TENM3: variants seen among roughly 807,000 people sequenced by gnomAD.
TENM3 encodes the protein teneurin-3.
Under a neutral mutation model 255.1 loss-of-function variants are expected in TENM3, and 63 were observed. The observed-to-expected ratio is 0.25, with a 90% CI of 0.20 to 0.30. The LOEUF (loss-of-function observed/expected upper bound fraction) is 0.30. Ranked by LOEUF, TENM3 falls within the 10% of genes least tolerant of loss-of-function variation. The pLI is 1.00. For missense variants in TENM3, 2,929 were observed against 3,461.1 expected (o/e 0.85, Z 3.86); for synonymous variants, 1,306 against 1,322.3 (o/e 0.99, Z 0.27).
the TENM3 span, among the ~76,000 whole-genome samples, chr4:181,892,131 G>A: frequency 1.3e-5 from 2 of 152,140 alleles, no homozygotes; most frequent in Non-Finnish European, 2.9e-5. Flanking sequence ...AAATTACATA[G>A]TTTGTGGGAT....
the TENM3 span, among the ~76,000 whole-genome samples, chr4:181,455,204 C>A: frequency 0.42 from 63,380 of 151,858 alleles, 13,935 homozygotes; most frequent in Non-Finnish European, 0.49. Context: ...TATAGCAAAC[C>A]AATGCAAGAG....
At chr4:181,748,529 C>A in the TENM3 span, among the ~76,000 whole-genome samples, 1 of 152,018 alleles carries the variant, frequency 6.6e-6, no homozygotes, top group African/African-American at 2.4e-5. Context: ...TTACTAATTC[C>A]TAACACAAAA....
chr4:182,488,225 G>C (rs1053980284), intron 3 of TENM3, among the ~76,000 whole-genome samples: 3 of 152,134 alleles, frequency 2.0e-5, no homozygotes, highest in Non-Finnish European at 4.4e-5. Flanking sequence ...ACCAGAATCA[G>C]AGAGGCAGGA....
intron 3 of TENM3, among the ~76,000 whole-genome samples, chr4:182,543,508 AG>A (rs1272930271): frequency 3.3e-5 from 5 of 152,202 alleles, no homozygotes; most frequent in African/African-American, 1.2e-4. Context: ...GGCGAGCACA[AG>A]GAGACCAGCA....
At chr4:182,417,897 T>C (rs2151117745) in intron 3 of TENM3, among the ~76,000 whole-genome samples, 1 of 152,334 alleles carries the variant, frequency 6.6e-6, no homozygotes, top group South Asian at 2.1e-4. Context: ...AAATGTTTGA[T>C]ATCTGTACAT....
At chr4:182,531,868 C>G (rs1248272000) in intron 3 of TENM3, among the ~76,000 whole-genome samples, 1 of 152,316 alleles carries the variant, frequency 6.6e-6, no homozygotes, top group African/African-American at 2.4e-5. Flanking sequence ...TGTGCATAAA[C>G]AGTTTAAACA....
At chr4:181,893,491 A>ACCC in the TENM3 span, among the ~76,000 whole-genome samples, 2,917 of 24,258 alleles carry the variant, frequency 0.12, 72 homozygotes, top group East Asian at 0.19. Context: ...TCCCCTGCCC[A>ACCC]CCCCCCCCCC....
At chr4:182,614,922 T>A (rs1318783804) in intron 4 of TENM3, among the ~76,000 whole-genome samples, 1 of 151,360 alleles carries the variant, frequency 6.6e-6, no homozygotes, top group Non-Finnish European at 1.5e-5. Flanking sequence ...TTTTTGAGAG[T>A]ATGGCAGGGC....
chr4:181,880,787 A>G, the TENM3 span, among the ~76,000 whole-genome samples: 1 of 152,180 alleles, frequency 6.6e-6, no homozygotes, highest in African/African-American at 2.4e-5. Flanking sequence ...AAGGAATTCC[A>G]GTTCACCTGG....
At chr4:181,715,335 G>A in the TENM3 span, among the ~76,000 whole-genome samples, 2 of 152,146 alleles carry the variant, frequency 1.3e-5, no homozygotes, top group Non-Finnish European at 2.9e-5. Context: ...ACATAGTACT[G>A]CAGTGAATAG....
At chr4:181,986,958 T>C in the TENM3 span, among the ~76,000 whole-genome samples, 1 of 152,082 alleles carries the variant, frequency 6.6e-6, no homozygotes, top group African/African-American at 2.4e-5. Flanking sequence ...AATGGGTGTG[T>C]TTTATTTTCT....
In TENM3 at chr4:182,187,133, G is replaced by A. The variant is rs1015185710; in HGVS notation, c.-76+42379G>A. On this transcript the variant is annotated intron_variant, in intron 1 of 2. Coordinates refer to the TENM3 transcript ENST00000512480. The stretch of plus-strand genomic sequence containing the variant: ...TTAAAAATAATGGTCTGTAAACTTT[G>A]CAAAGTACATAAGAAAACCTCATTA... 3.2e-4 allele frequency among the ~76,000 whole-genome samples: 48 copies of A among 151,988 alleles called. 1 individual carries two copies. Among genetic ancestry groups the A allele is most frequent in the Admixed American group, 1.4e-3 (22 of 15,248 alleles).
chr4:182,000,875 G>A, the TENM3 span, among the ~76,000 whole-genome samples: 5 of 152,054 alleles, frequency 3.3e-5, no homozygotes, highest in East Asian at 1.9e-4. Flanking sequence ...TAAGTTGAGC[G>A]GTGGCTGATT....
intron 1 of TENM3, among the ~76,000 whole-genome samples, chr4:182,292,067 G>GT (rs1197992354): frequency 1.3e-5 from 2 of 152,074 alleles, no homozygotes; most frequent in Non-Finnish European, 1.5e-5. Context: ...TGAAAAAGCT[G>GT]TTTTTGCCAT....
At chr4:182,744,837 A>G (rs1561191390) in intron 19 of TENM3, among the ~76,000 whole-genome samples, 2 of 152,208 alleles carry the variant, frequency 1.3e-5, no homozygotes, top group African/African-American at 2.4e-5. Flanking sequence ...TGAAGCAAAT[A>G]TATAGACTCA....
At chr4:182,100,594 TATACAC>T in the TENM3 span, among the ~76,000 whole-genome samples, 1 of 44,562 alleles carries the variant, frequency 2.2e-5, no homozygotes, top group Admixed American at 2.9e-4. Flanking sequence ...TATACACATA[TATACAC>T]ATATATACAC....
chr4:181,496,063 A>G, the TENM3 span, among the ~76,000 whole-genome samples: 3 of 152,178 alleles, frequency 2.0e-5, no homozygotes, highest in African/African-American at 7.2e-5. Flanking sequence ...GAAAATGACA[A>G]GTCACAGATA....
chr4:181,574,903 T>C, the TENM3 span, among the ~76,000 whole-genome samples: 1 of 152,162 alleles, frequency 6.6e-6, no homozygotes. Flanking sequence ...GAGATGCCAA[T>C]ATATTATTGT....
chr4:182,395,072 T>G (rs2150999307), intron 3 of TENM3, among the ~76,000 whole-genome samples: 1 of 152,310 alleles, frequency 6.6e-6, no homozygotes, highest in East Asian at 1.9e-4. Flanking sequence ...ATGCTTAGAA[T>G]GGAGCTGTGT....
Sources: allele counts gnomAD v4.1 joint callset (sites outside exome capture counted in the v4.1 genomes callset), GRCh38; gene constraint gnomAD v4.1.1; transcripts MANE v1.5; gene names NCBI Gene and HGNC (gene_info 2026-07-23, HGNC 2026-07-21).